The following RBFOX1 variants were observed in gnomAD, a reference collection of about 807,000 sequenced individuals.
RBFOX1 encodes the protein RNA binding fox-1 homolog 1.
RBFOX1 carries 8 observed loss-of-function variants against 57.7 expected under a neutral mutation model. That is an observed-to-expected ratio of 0.14 (90% confidence interval 0.08 to 0.25). The LOEUF is 0.25. Among genes scored for constraint, RBFOX1 ranks in the 10% least tolerant of loss-of-function variants. The probability of loss-of-function intolerance (pLI) is 1.00; values close to 1 mark genes in which losing one functional copy is unlikely to be tolerated. For missense variants in RBFOX1, 611 were observed against 548.5 expected, an observed-to-expected ratio of 1.11 and a Z score of -1.14; for synonymous variants, 326 against 222.4, an observed-to-expected ratio of 1.47 and a Z score of -4.15.
Position 7,127,206 on chromosome 16 carries a change from G to A in RBFOX1, c.27+75108G>A, listed in dbSNP as rs376298792. 4.3e-4 allele frequency among the ~76,000 whole-genome samples: 66 copies of A among 152,082 alleles called. No homozygotes were observed. The East Asian group carries it at 7.0e-3, about 16-fold the overall frequency. The stretch of plus-strand genomic sequence containing the variant: ...CTGTGAACTAGCCACAAATGCCTCC[G>A]AAAGCATAAAATCGTTATTCAGCAT... On this transcript the variant is annotated intron_variant, in intron 4 of 15. Transcript: ENST00000550418.
chr16:6,123,774 A>G (rs1204097346), intron 1 of RBFOX1, among the ~76,000 whole-genome samples: 2 of 152,160 alleles, frequency 1.3e-5, no homozygotes, highest in Non-Finnish European at 2.9e-5. Context: ...GCATGTTGGC[A>G]CATGCCTGTA....
chr16:6,900,905 C>T (rs1251341611), intron 3 of RBFOX1, among the ~76,000 whole-genome samples: 1 of 152,150 alleles, frequency 6.6e-6, no homozygotes, highest in Non-Finnish European at 1.5e-5. Flanking sequence ...GCTAGATCCC[C>T]AGCATTTTGC....
At chr16:7,620,678 G>T (rs745883725) in intron 10 of RBFOX1, among the ~76,000 whole-genome samples, 2 of 152,208 alleles carry the variant, frequency 1.3e-5, no homozygotes, top group African/African-American at 2.4e-5. Flanking sequence ...TTGTAATGGG[G>T]GTAATGGATA....
At chr16:7,306,823 G>C (rs911258384) in intron 4 of RBFOX1, among the ~76,000 whole-genome samples, 2 of 152,120 alleles carry the variant, frequency 1.3e-5, no homozygotes, top group African/African-American at 4.8e-5. Context: ...ACAATCGGCT[G>C]ATTAAGAGTG....
chr16:5,254,263 C>G (rs2062527999), intron 1 of RBFOX1, among the ~76,000 whole-genome samples: 1 of 152,206 alleles, frequency 6.6e-6, no homozygotes, highest in Non-Finnish European at 1.5e-5. Context: ...CTCTTAACCA[C>G]TTCACCATGG....
At chr16:7,389,035 A>G (rs373343878) in intron 4 of RBFOX1, among the ~76,000 whole-genome samples, 1 of 152,192 alleles carries the variant, frequency 6.6e-6, no homozygotes, top group South Asian at 2.1e-4. Context: ...GAGAGCCTGA[A>G]TGAATTGGGG....
chr16:5,886,024 A>C (rs182141595), intron 4 of RBFOX1, among the ~76,000 whole-genome samples: 1 of 152,154 alleles, frequency 6.6e-6, no homozygotes, highest in Admixed American at 6.5e-5. Flanking sequence ...AAACGTGGGT[A>C]ACACCTCTCC....
intron 1 of RBFOX1, among the ~76,000 whole-genome samples, chr16:6,184,323 T>G (rs1033734688): frequency 6.6e-5 from 10 of 152,078 alleles, no homozygotes; most frequent in African/African-American, 2.4e-4. Flanking sequence ...AAATAAATAC[T>G]CTGGCTGCTG....
chr16:5,418,430 T>C (rs1469148496), intron 1 of RBFOX1, among the ~76,000 whole-genome samples: 1 of 151,964 alleles, frequency 6.6e-6, no homozygotes, highest in Non-Finnish European at 1.5e-5. Flanking sequence ...CGTGATCAAG[T>C]GCAAATGTAA....
intron 4 of RBFOX1, among the ~76,000 whole-genome samples, chr16:7,055,478 G>C (rs894416766): frequency 2.0e-5 from 3 of 152,124 alleles, no homozygotes; most frequent in Admixed American, 6.6e-5. Flanking sequence ...CTTCTTCCAA[G>C]ATGTCTGCCA....
rs1567336972 is a variant in RBFOX1 at position 7,120,840 on chromosome 16, C to CACACACACACACACACAT, written c.27+68759_27+68760insTACACACACACACACACA. 3.6e-3 allele frequency among the ~76,000 whole-genome samples: 531 copies of CACACACACACACACACAT among 145,632 alleles called. 8 individuals carry two copies. The highest frequency in any genetic ancestry group is 0.011 in the African/African-American group (421 of 38,384). On this transcript the variant is annotated intron_variant, in intron 4 of 15. Transcript: ENST00000550418. ...TTATATATGTATATATACACACACA[C>CACACACACACACACACAT]ACACACACACACACACACATACGTA...
At chr16:6,599,157 T>G (rs1017594330) in intron 2 of RBFOX1, among the ~76,000 whole-genome samples, 13 of 152,202 alleles carry the variant, frequency 8.5e-5, no homozygotes, top group African/African-American at 3.1e-4. Context: ...TTGTACAAAT[T>G]TTTCTCTTCT....
chr16:6,678,892 A>G (rs1236618190), intron 3 of RBFOX1, among the ~76,000 whole-genome samples: 2 of 152,126 alleles, frequency 1.3e-5, no homozygotes, highest in Non-Finnish European at 2.9e-5. Context: ...TGTAGCATGA[A>G]TTCCACCCTT....
intron 2 of RBFOX1, among the ~76,000 whole-genome samples, chr16:6,609,163 G>T (rs2097997538): frequency 6.6e-6 from 1 of 152,030 alleles, no homozygotes; most frequent in African/African-American, 2.4e-5. Context: ...ACATTCGCAG[G>T]CTCCAGGACA....
chr16:5,897,377 C>G (rs1000585956), intron 4 of RBFOX1, among the ~76,000 whole-genome samples: 7 of 152,148 alleles, frequency 4.6e-5, no homozygotes, highest in Non-Finnish European at 1.0e-4. Context: ...ACTCTGCTTT[C>G]TTTTCTCTGC....
At chr16:6,594,874 C>T (rs892348345) in intron 2 of RBFOX1, among the ~76,000 whole-genome samples, 3 of 152,138 alleles carry the variant, frequency 2.0e-5, no homozygotes, top group Non-Finnish European at 2.9e-5. Flanking sequence ...CTGTAACCTC[C>T]GCCTCCCGGG....
chr16:6,649,995 A>G (rs918891548), intron 2 of RBFOX1, among the ~76,000 whole-genome samples: 2 of 152,180 alleles, frequency 1.3e-5, no homozygotes, highest in African/African-American at 4.8e-5. Flanking sequence ...TTGATTCCCT[A>G]TCTTGGCTAT....
At chr16:7,119,340 T>C (rs1228339762) in intron 4 of RBFOX1, among the ~76,000 whole-genome samples, 1 of 152,152 alleles carries the variant, frequency 6.6e-6, no homozygotes, top group African/African-American at 2.4e-5. Context: ...ATCAGACTTG[T>C]GGAACACCTA....
chr16:7,038,063 T>C (rs2045054387), intron 3 of RBFOX1, among the ~76,000 whole-genome samples: 1 of 151,872 alleles, frequency 6.6e-6, no homozygotes. Flanking sequence ...ATTCAAATGG[T>C]ATGTAAATCC....
Sources: gnomAD v4.1 joint callset for allele counts (sites outside exome capture counted in the v4.1 genomes callset) on GRCh38, gnomAD v4.1.1 for gene constraint, MANE v1.5 for transcripts, NCBI Gene and HGNC (gene_info 2026-07-23, HGNC 2026-07-21) for gene names.